Variants in PLCXD1 observed in about 807,000 individuals in gnomAD.
PLCXD1 encodes PI-PLC X domain-containing protein 1.
PLCXD1 carries 45 observed loss-of-function variants against 37.8 expected under a neutral mutation model. The observed-to-expected ratio is 1.19, with a 90% confidence interval of 0.94 to 1.53. The LOEUF is 1.53. Among genes scored for constraint, PLCXD1 ranks in the 40% most tolerant of loss-of-function variants. The pLI, the probability that PLCXD1 is intolerant of heterozygous loss-of-function variation, is 0.00. For missense variants in PLCXD1, 539 were observed against 454.7 expected (o/e 1.19, Z -1.69); for synonymous variants, 246 against 206.9 (o/e 1.19, Z -1.62).
In PLCXD1 at chrX:291,514, A is replaced by G. The variant is rs1357746543; in HGVS notation, c.409A>G (p.Ile137Val). 1.2e-6 allele frequency: 2 copies of G among 1,612,638 alleles called. No homozygotes were observed. The highest frequency in any genetic ancestry group is 1.7e-6 in the Non-Finnish European group (2 of 1,179,830). Reference sequence around the variant, plus strand: ...CCCTCCCCAGGACACACTCACGGAAATCTCGGAGTGGCTGGAGCGGCATCC... The same window carrying G: ...CCCTCCCCAGGACACACTCACGGAAGTCTCGGAGTGGCTGGAGCGGCATCC... Reference protein sequence around the residue: ...TALVEDTLTEISEWLERHPRE... With the variant: ...TALVEDTLTEVSEWLERHPRE... The change falls in exon 5 of 7, where the codon ATC becomes GTC. Residue 137 changes from isoleucine (I) to valine (V), a missense_variant. Physicochemically the swap from Ile to Val is conservative, Grantham distance 29 (BLOSUM62 3). Coordinates refer to ENST00000381657, the MANE Select transcript of PLCXD1 (RefSeq NM_018390.4).
At position 290,657 on chromosome X, in the gene PLCXD1, G is replaced by T. The variant is rs148736420; in HGVS notation, c.274G>T (p.Val92Phe). The stretch of plus-strand genomic sequence containing the variant: ...CAGCCTCTGTCCACAGGCACTGGAC[G>T]TCACAGAGCAGCTGGATGCCGGGGT... ...LKWSVTQALD[V>F]TEQLDAGVRY... The change falls in exon 4 of 7, where the codon GTC (valine) becomes TTC (phenylalanine). Residue 92 changes from valine (V) to phenylalanine (F), a missense_variant. Physicochemically the swap from Val to Phe is conservative, Grantham distance 50. Coordinates refer to ENST00000381657, the MANE Select transcript of PLCXD1 (RefSeq NM_018390.4). The T allele has an allele frequency of 3.7e-6, 6 of 1,613,728 alleles. No individual in the cohort carries two copies. Among genetic ancestry groups the T allele is most frequent in the Middle Eastern group, 1.7e-4 (1 of 6,004 alleles).
upstream of PLCXD1, among the ~76,000 whole-genome samples, chrX:278,165 T>G (rs2069191349): frequency 1.3e-4 from 3 of 22,454 alleles, 1 homozygote; most frequent in Non-Finnish European, 3.9e-4. Flanking sequence ...ACTTGGGATG[T>G]GAGGGGAGGG....
At chrX:285,193 C>T (rs1273031408) in intron 2 of PLCXD1, among the ~76,000 whole-genome samples, 1 of 150,066 alleles carries the variant, frequency 6.7e-6, no homozygotes, top group African/African-American at 2.5e-5. Flanking sequence ...TATACATGCA[C>T]ACACACAGGT....
intron 2 of PLCXD1, among the ~76,000 whole-genome samples, chrX:286,190 G>C (rs2069447410): frequency 6.6e-6 from 1 of 151,720 alleles, no homozygotes; most frequent in African/African-American, 2.4e-5. Flanking sequence ...TCAGCCTCCC[G>C]AGTAGCTGGG....
rs749985406 is a variant in PLCXD1 at position 290,727 on chromosome X, A to C, written c.344A>C (p.Glu115Ala). 28 of 1,613,686 alleles carry C rather than the reference A, an allele frequency of 1.7e-5. No homozygotes were observed. Among genetic ancestry groups the C allele is most frequent in the East Asian group, 8.9e-5 (4 of 44,866 alleles). Residue 115 changes from glutamate (E) to alanine (A), a missense_variant, in exon 4 of 7, where the codon GAG becomes GCG. Coordinates refer to ENST00000381657, the MANE Select transcript of PLCXD1 (RefSeq NM_018390.4). Reference sequence around the variant, plus strand: ...ATAGCCCACATGCTGGAGGGCTCGGAGAAGAACCTGCACTTTGTCCATATG... The same window carrying C: ...ATAGCCCACATGCTGGAGGGCTCGGCGAAGAACCTGCACTTTGTCCATATG... ...LRIAHMLEGS[E>A]KNLHFVHMVY...
At chrX:288,283 AT>A (rs1442684751) in intron 2 of PLCXD1, among the ~76,000 whole-genome samples, 4 of 151,356 alleles carry the variant, frequency 2.6e-5, no homozygotes, top group Non-Finnish European at 5.9e-5. Context: ...CACTCAAGTC[AT>A]TGAAATTGTA....
intron 6 of PLCXD1, among the ~76,000 whole-genome samples, chrX:295,799 T>A (rs2069787671): frequency 6.6e-6 from 1 of 151,906 alleles, no homozygotes; most frequent in Non-Finnish European, 1.5e-5. Flanking sequence ...AGTGCTGGGA[T>A]GACAGGCGTG....
chrX:292,390 T>C (rs1308372444), intron 5 of PLCXD1, among the ~76,000 whole-genome samples: 1 of 151,300 alleles, frequency 6.6e-6, no homozygotes, highest in African/African-American at 2.4e-5. Flanking sequence ...ACCCGGGGGG[T>C]GGAGGTTGCA....
At chrX:292,074 G>T (rs932769620) in intron 5 of PLCXD1, among the ~76,000 whole-genome samples, 44 of 152,132 alleles carry the variant, frequency 2.9e-4, no homozygotes, top group Admixed American at 1.2e-3. Flanking sequence ...GGCCGAGGCG[G>T]GCGGATCACG....
chrX:285,017 C>T (rs2069400451), intron 2 of PLCXD1, among the ~76,000 whole-genome samples: 3 of 152,100 alleles, frequency 2.0e-5, no homozygotes, highest in African/African-American at 4.8e-5. Flanking sequence ...AGCTACAATT[C>T]AAGATGAGAT....
intron 3 of PLCXD1, among the ~76,000 whole-genome samples, chrX:290,186 G>C (rs1269932533): frequency 6.6e-6 from 1 of 152,042 alleles, no homozygotes; most frequent in African/African-American, 2.4e-5. Context: ...CCAGCACTTT[G>C]GGAGGCCAAG....
chrX:287,463 GA>G (rs2069486029), intron 2 of PLCXD1, among the ~76,000 whole-genome samples: 42 of 122,546 alleles, frequency 3.4e-4, no homozygotes, highest in African/African-American at 6.9e-4. Context: ...TTTATATATA[GA>G]ATATATACTA....
At chrX:289,564 G>A (rs1026958703) in intron 3 of PLCXD1, among the ~76,000 whole-genome samples, 1 of 146,490 alleles carries the variant, frequency 6.8e-6, no homozygotes, top group African/African-American at 2.5e-5. Context: ...AGGCTGGAGT[G>A]CAGTTGGTGC....
intron 6 of PLCXD1, among the ~76,000 whole-genome samples, chrX:295,582 T>C (rs1389532053): frequency 6.6e-6 from 1 of 151,576 alleles, no homozygotes; most frequent in South Asian, 2.1e-4. Context: ...CGGAGTGCAG[T>C]GGCGCGATCT....
At position 301,464 on chromosome X, in the gene PLCXD1, G is replaced by A. The variant is rs138448167; in HGVS notation, c.*2129G>A. ...CACAGCTAATTTTTTTTGTAGAGAT[G>A]GGGTCTGGCTCTGTTGCTCAGGCTG... On this transcript the variant is annotated 3_prime_UTR_variant, in exon 7 of 7. Coordinates refer to ENST00000381657, the MANE Select transcript of PLCXD1 (RefSeq NM_018390.4). 6,960 of 151,878 alleles carry A rather than the reference G, an allele frequency of 0.046. 333 individuals carry two copies. The highest frequency in any genetic ancestry group is 0.11 in the African/African-American group (4,610 of 41,292). The allele number at this position is 151,878 out of a possible 1,614,324, so 9.4% of individuals were successfully genotyped here. A position where few individuals can be genotyped will look rare whatever the true frequency, so the allele number is the denominator to read the frequency against.
intron 3 of PLCXD1, among the ~76,000 whole-genome samples, chrX:290,215 C>T (rs1410779518): frequency 1.3e-5 from 2 of 152,090 alleles, no homozygotes; most frequent in African/African-American, 4.8e-5. Flanking sequence ...ATCACGAGGT[C>T]AGGAGATCGA....
In PLCXD1 at chrX:300,409, T is replaced by C. The variant is rs1378970730; in HGVS notation, c.*1074T>C. 1 of 150,964 alleles carries C rather than the reference T, an allele frequency of 6.6e-6. No individual in the cohort carries two copies. The highest frequency in any genetic ancestry group is 2.4e-5 in the African/African-American group (1 of 41,122). 9.4% of individuals were successfully genotyped at this position (150,964 alleles called of 1,614,324 possible). A position where few individuals can be genotyped will look rare whatever the true frequency, so the allele number is the denominator to read the frequency against. Reference sequence around the variant, plus strand: ...ATGTGTGTTTATGTGTCTGTGTGTATATATGTGTATATATCGGTGTGTATA... The same window carrying C: ...ATGTGTGTTTATGTGTCTGTGTGTACATATGTGTATATATCGGTGTGTATA... On this transcript the variant is annotated 3_prime_UTR_variant, in exon 7 of 7. Coordinates refer to ENST00000381657, the MANE Select transcript of PLCXD1 (RefSeq NM_018390.4).
chrX:294,713 G>A (rs1244919552), intron 6 of PLCXD1, among the ~76,000 whole-genome samples: 2 of 150,824 alleles, frequency 1.3e-5, no homozygotes, highest in African/African-American at 4.9e-5. Context: ...CTGAGGCAGG[G>A]GAATCACTTG....
intron 2 of PLCXD1, among the ~76,000 whole-genome samples, chrX:288,048 G>A (rs1232752433): frequency 1.3e-5 from 2 of 151,686 alleles, no homozygotes; most frequent in African/African-American, 4.8e-5. Flanking sequence ...CCCTGGGCTT[G>A]TGGCCGCATC....
Sources: allele counts gnomAD v4.1 joint callset (sites outside exome capture counted in the v4.1 genomes callset), GRCh38; gene constraint gnomAD v4.1.1; transcripts MANE v1.5; gene names NCBI Gene and HGNC (gene_info 2026-07-23, HGNC 2026-07-21).